LFNG: variants seen among roughly 807,000 people sequenced by gnomAD.
The protein encoded by LFNG is beta-1,3-N-acetylglucosaminyltransferase lunatic fringe.
A neutral mutation model predicts 32.7 loss-of-function variants in LFNG; 15 were observed. That is an observed-to-expected ratio of 0.46 (90% CI 0.31 to 0.71). The LOEUF (loss-of-function observed/expected upper bound fraction) is 0.71. Among genes scored for constraint, LFNG ranks in the 30% least tolerant of loss-of-function variants. LFNG has a pLI of 0.06. For missense variants in LFNG, 520 were observed against 545.7 expected (o/e 0.95, Z 0.47); for synonymous variants, 274 against 246.8 (o/e 1.11, Z -1.03).
At position 2,526,620 on chromosome 7, in the gene LFNG, C is replaced by T. The variant is rs537043222; in HGVS notation, c.987+211C>T. 6.6e-6 allele frequency among the ~76,000 whole-genome samples: 1 copy of T among 152,138 alleles called. No individual in the cohort carries two copies. The highest frequency in any genetic ancestry group is 2.4e-5 in the African/African-American group (1 of 41,424). On this transcript the variant is annotated intron_variant, in intron 6 of 7. Transcript: ENST00000222725. The surrounding 1 kb of genome is among the most constrained non-coding windows in gnomAD (Gnocchi z 6.9). ...CGTCTCTTCTCTTCACTGTGATGCG[C>T]CTACTGTGCGTATTTTGTCCACGCT...
At chr7:2,517,865 A>T (rs191345572), upstream of LFNG, 3 of 1,202,940 alleles carry the variant, frequency 2.5e-6, no homozygotes, top group Admixed American at 9.6e-5. Flanking sequence ...AGAGCTATGG[A>T]GGGTTTTGCT....
chr7:2,525,603 G>A (rs533616770), intron 4 of LFNG, 36 bp downstream of exon 4: 46 of 1,611,924 alleles, frequency 2.9e-5, no homozygotes, highest in South Asian at 2.5e-4. Flanking sequence ...CCACGCCCAC[G>A]CGGAGCGCAC....
chr7:2,518,992 C>A (rs536447381), upstream of LFNG, among the ~76,000 whole-genome samples: 1 of 152,268 alleles, frequency 6.6e-6, no homozygotes, highest in East Asian at 1.9e-4. Context: ...TGGGCCGCAT[C>A]TGGCCCGAGC....
upstream of LFNG, among the ~76,000 whole-genome samples, chr7:2,514,008 C>G (rs1192398433): frequency 6.6e-6 from 1 of 152,258 alleles, no homozygotes; most frequent in African/African-American, 2.4e-5. Context: ...TCTTTCTGGC[C>G]CCCTGGACCC....
At position 2,520,435 on chromosome 7, in the gene LFNG, C is replaced by A; in HGVS notation, c.432+142C>A. The A allele has an allele frequency of 2.7e-6, 2 of 742,790 alleles. No individual in the cohort carries two copies. Among genetic ancestry groups the A allele is most frequent in the South Asian group, 1.9e-5 (1 of 51,672 alleles). 46.0% of individuals were successfully genotyped at this position (742,790 alleles called of 1,614,324 possible). A position where few individuals can be genotyped will look rare whatever the true frequency, so the allele number is the denominator to read the frequency against. On this transcript the variant is annotated intron_variant, in intron 1 of 7. Transcript: ENST00000222725. This position sits in a 1 kb window ranked among gnomAD's most constrained non-coding sequence, Gnocchi z 5.0. Reference sequence around the variant, plus strand: ...ATCTGTGGGCGACGCCAGTGCACCCCGGTGCACCCAGTTTGCCTGCTGGGG... The same window carrying A: ...ATCTGTGGGCGACGCCAGTGCACCCAGGTGCACCCAGTTTGCCTGCTGGGG...
Position 2,525,761 on chromosome 7 carries a change from C to A in LFNG, c.812C>A (p.Pro271Gln). The A allele has an allele frequency of 6.2e-7, 1 of 1,611,704 alleles. No individual in the cohort carries two copies. The part of the protein sequence containing the change: ...ISRGLALKMS[P>Q]WASGGHFMNT... ...CGTGGGCTGGCTCTGAAGATGAGCC[C>A]GTGGGCCAGGTGAGTGCCCTGCACA... Residue 271 changes from proline (P) to glutamine (Q), a missense_variant, in exon 5 of 8, where the codon CCG becomes CAG. Pro to Gln is a moderately conservative substitution (Grantham distance 76). Around this residue, in one of 3 missense-constraint regions of LFNG, gnomAD observed 150 missense variants for 159.9 expected, o/e 0.94. Transcript: ENST00000222725.
Position 2,525,555 on chromosome 7 carries a change from C to T in LFNG, c.723C>T (p.Ser241=), listed in dbSNP as rs115678269. The T allele has an allele frequency of 7.3e-5, 117 of 1,612,246 alleles. 1 individual carries two copies. In the African/African-American group the frequency reaches 9.2e-4, roughly 13 times the overall value. The change falls in exon 4 of 8, where the codon AGC becomes AGT. Residue 241 remains serine (S), a synonymous_variant. Transcript: ENST00000222725. ...CCATCCAGGCCATGGAGCGGGTCAG[C>T]GAGAACAAGGTGGTGAGTGCCTGCC... The part of the protein sequence containing the change: ...DRPIQAMERV[S]ENKVRPVHFW...
intron 1 of LFNG, among the ~76,000 whole-genome samples, chr7:2,521,434 A>T (rs1427994165): frequency 6.6e-6 from 1 of 152,210 alleles, no homozygotes; most frequent in Non-Finnish European, 1.5e-5. Context: ...AAGGTAACAA[A>T]GCCCCTTTCT....
upstream of LFNG, among the ~76,000 whole-genome samples, chr7:2,515,746 G>C (rs1779613470): frequency 6.6e-6 from 1 of 152,242 alleles, no homozygotes; most frequent in African/African-American, 2.4e-5. Context: ...CCCACAGAAG[G>C]GCACTGGCCC....
At chr7:2,515,408 C>T (rs536651564), upstream of LFNG, among the ~76,000 whole-genome samples, 1 of 152,310 alleles carries the variant, frequency 6.6e-6, no homozygotes, top group African/African-American at 2.4e-5. Context: ...CAGCTACAAC[C>T]TCATGTGATC....
At position 2,527,222 on chromosome 7, in the gene LFNG, C is replaced by T. The variant is rs1375163891; in HGVS notation, c.*10C>T. On this transcript the variant is annotated 3_prime_UTR_variant, in exon 8 of 8. Coordinates refer to ENST00000222725, the MANE Select transcript of LFNG (RefSeq NM_001040167.2). The surrounding 1 kb of genome is among the most constrained non-coding windows in gnomAD (Gnocchi z 4.4). ...CACTGCCATCTTCTAGTGGCCATGG[C>T]TGAGACCCAATCCCTGGGCGCCCCT... 2 of 1,612,216 alleles carry T rather than the reference C, an allele frequency of 1.2e-6. No homozygotes were observed. Among genetic ancestry groups the T allele is most frequent in the Non-Finnish European group, 1.7e-6 (2 of 1,179,934 alleles).
rs1780024808 is a variant in LFNG at position 2,527,364 on chromosome 7, C to T, written c.*152C>T. The T allele has an allele frequency of 2.0e-6, 3 of 1,508,014 alleles. No individual in the cohort carries two copies. Among genetic ancestry groups the T allele is most frequent in the Non-Finnish European group, 2.7e-6 (3 of 1,130,822 alleles). 93.4% of individuals were successfully genotyped at this position (1,508,014 alleles called of 1,614,324 possible). A position where few individuals can be genotyped will look rare whatever the true frequency, so the allele number is the denominator to read the frequency against. On this transcript the variant is annotated 3_prime_UTR_variant, in exon 8 of 8. Transcript: ENST00000222725. This position sits in a 1 kb window ranked among gnomAD's most constrained non-coding sequence, Gnocchi z 4.4. ...TGTGTGTGTGTGTGTACTGCATGCC[C>T]ACCCGGGTAGCAGGCTGCTGGGCAG...
upstream of LFNG, among the ~76,000 whole-genome samples, chr7:2,515,407 C>T (rs1450564648): frequency 6.6e-6 from 1 of 152,190 alleles, no homozygotes; most frequent in Non-Finnish European, 1.5e-5. Context: ...GCAGCTACAA[C>T]CTCATGTGAT....
At position 2,519,811 on chromosome 7, in the gene LFNG, G is replaced by C; in HGVS notation, c.-51G>C. 1.9e-6 allele frequency: 2 copies of C among 1,029,588 alleles called. No individual in the cohort carries two copies. Among genetic ancestry groups the C allele is most frequent in the Non-Finnish European group, 2.3e-6 (2 of 855,088 alleles). The allele number at this position is 1,029,588 out of a possible 1,614,324, so 63.8% of individuals were successfully genotyped here. On this transcript the variant is annotated 5_prime_UTR_variant, in exon 1 of 8. Transcript: ENST00000222725. Reference sequence around the variant, plus strand: ...CGCCGGAGCGACGGGCTTCGGGTCGGTGCAAGGCAGGCGCACGGGGAAGGG... The same window carrying C: ...CGCCGGAGCGACGGGCTTCGGGTCGCTGCAAGGCAGGCGCACGGGGAAGGG...
At position 2,520,839 on chromosome 7, in the gene LFNG, G is replaced by C. The variant is rs1406199490; in HGVS notation, c.432+546G>C. Among the ~76,000 whole-genome samples, 3 of 152,174 alleles carry C rather than the reference G, an allele frequency of 2.0e-5. No homozygotes were observed. The highest frequency in any genetic ancestry group is 2.9e-5 in the Non-Finnish European group (2 of 68,022). On this transcript the variant is annotated intron_variant, in intron 1 of 7. Transcript: ENST00000222725. This position sits in a 1 kb window ranked among gnomAD's most constrained non-coding sequence, Gnocchi z 5.0. ...CAAAGAACTCCAGGTTTTGGGGTCT[G>C]TGTGGGGACCCTCCCCGCACAGTGC...
chr7:2,514,444 G>A (rs1047391971), upstream of LFNG, among the ~76,000 whole-genome samples: 7 of 152,114 alleles, frequency 4.6e-5, no homozygotes, highest in African/African-American at 7.3e-5. Context: ...CCAGCCACCC[G>A]CATGCCTCTG....
At chr7:2,514,977 T>C (rs1485695017), upstream of LFNG, among the ~76,000 whole-genome samples, 4 of 151,952 alleles carry the variant, frequency 2.6e-5, no homozygotes, top group Non-Finnish European at 4.4e-5. Context: ...CATCTGTCCA[T>C]CCATCCATCC....
At chr7:2,517,747 C>T (rs1465839886), upstream of LFNG, 1 of 598,590 alleles carries the variant, frequency 1.7e-6, no homozygotes. Flanking sequence ...GGGGGCTTGG[C>T]CATGCTTGGC....
In LFNG at chr7:2,526,993, A is replaced by T; in HGVS notation, c.1073+72A>T. 2.0e-6 allele frequency: 3 copies of T among 1,479,456 alleles called. No individual in the cohort carries two copies. Among genetic ancestry groups the T allele is most frequent in the Non-Finnish European group, 2.8e-6 (3 of 1,065,912 alleles). The allele number at this position is 1,479,456 out of a possible 1,614,324, so 91.6% of individuals were successfully genotyped here. A position where few individuals can be genotyped will look rare whatever the true frequency, so the allele number is the denominator to read the frequency against. ...GCGTCAGGGGGCCTCGTGGAGCTGC[A>T]GCAGGGTCTCTCTAAGCGGCATGAC... is the stretch of plus-strand genomic sequence containing the variant. On this transcript the variant is annotated intron_variant, in intron 7 of 7. Transcript: ENST00000222725. The surrounding 1 kb of genome is among the most constrained non-coding windows in gnomAD (Gnocchi z 6.9).
Sources: allele counts gnomAD v4.1 joint callset (sites outside exome capture counted in the v4.1 genomes callset), GRCh38; gene constraint gnomAD v4.1.1; regional missense constraint gnomAD v4.1.1; non-coding constraint Gnocchi (gnomAD v3.1); transcripts MANE v1.5; gene names NCBI Gene and HGNC (gene_info 2026-07-23, HGNC 2026-07-21).